The following EVI5 variants were observed in gnomAD, a reference collection of about 807,000 sequenced individuals.
The protein encoded by EVI5 is ecotropic viral integration site 5 protein homolog.
EVI5 carries 73 observed loss-of-function variants against 112.0 expected under a neutral mutation model. The observed-to-expected ratio is 0.65, with a 90% CI of 0.54 to 0.79. EVI5 has a LOEUF of 0.79. EVI5 is among the 30% of genes least tolerant of loss of function. The probability of loss-of-function intolerance (pLI) is 0.00; values close to 1 mark genes in which losing one functional copy is unlikely to be tolerated. For missense variants in EVI5, 900 were observed against 968.8 expected, an observed-to-expected ratio of 0.93 and a Z score of 0.94; for synonymous variants, 305 against 319.9, an observed-to-expected ratio of 0.95 and a Z score of 0.50.
chr1:92,677,442 T>C (rs542509667), intron 9 of EVI5, among the ~76,000 whole-genome samples: 2 of 152,152 alleles, frequency 1.3e-5, no homozygotes, highest in Admixed American at 6.5e-5. Flanking sequence ...AAAAAGAAAA[T>C]TTACAAACTG....
chr1:92,643,367 A>G (rs1660353643), intron 13 of EVI5, among the ~76,000 whole-genome samples: 1 of 147,412 alleles, frequency 6.8e-6, no homozygotes, highest in South Asian at 2.1e-4. Context: ...TGGCATCATC[A>G]ATGATCACTC....
In EVI5 at chr1:92,603,233, T is replaced by A. The variant is rs114672095; in HGVS notation, c.2070+2074A>T. Among the ~76,000 whole-genome samples the A allele has an allele frequency of 6.8e-3, 1,032 of 152,192 alleles. 8 individuals carry two copies. Among genetic ancestry groups the A allele is most frequent in the Non-Finnish European group, 0.011 (741 of 67,994 alleles). On this transcript the variant is annotated intron_variant, in intron 18 of 19. Coordinates refer to ENST00000684568, the MANE Select transcript of EVI5 (RefSeq NM_001350197.2). ...TGGTGCAAATGCGGAAAAAATGAAA[T>A]CCTCATGCATTGCTGGTAGAAATGT...
At chr1:92,778,741 G>T (rs1211477105) in intron 1 of EVI5, among the ~76,000 whole-genome samples, 1 of 152,200 alleles carries the variant, frequency 6.6e-6, no homozygotes, top group African/African-American at 2.4e-5. Flanking sequence ...TTCGGAGATA[G>T]AAATCAGAAT....
At position 92,736,738 on chromosome 1, in the gene EVI5, T is replaced by C. The variant is rs974000059; in HGVS notation, c.-81-111A>G. On this transcript the variant is annotated intron_variant, in intron 1 of 19. Coordinates refer to ENST00000684568, the MANE Select transcript of EVI5 (RefSeq NM_001350197.2). The stretch of plus-strand genomic sequence containing the variant: ...ATAACCATCATCAGAATATTCTCTT[T>C]GAGGAAGTAAAGGTAAAACCTGTTT... 4 of 783,344 alleles carry C rather than the reference T, an allele frequency of 5.1e-6. No homozygotes were observed. In the South Asian group the frequency reaches 6.5e-5, roughly 13 times the overall value. The allele number at this position is 783,344 out of a possible 1,614,324, so 48.5% of individuals were successfully genotyped here.
intron 2 of EVI5, 33 bp downstream of exon 2, chr1:92,736,365 T>A: frequency 1.5e-6 from 2 of 1,371,856 alleles, no homozygotes; most frequent in Non-Finnish European, 1.0e-6. Flanking sequence ...ATTTGTATAA[T>A]TGGAGAGAAA....
chr1:92,607,719 GA>G lies in EVI5; in HGVS notation c.1835del (p.Ile612ThrfsTer13). 6.3e-7 allele frequency: 1 copy of G among 1,592,130 alleles called. No homozygotes were observed. Among genetic ancestry groups the G allele is most frequent in the Non-Finnish European group, 8.5e-7 (1 of 1,171,654 alleles). ...CTGCTCTTCGAAGATGGTTACTATT[GA>G]TCTGGTTCTAATAATCAGAAATATA... The part of the protein sequence containing the change: ...RMMEMETQNQ[I>X]NSNHLRRAEQ... On this transcript the variant is annotated frameshift_variant, in exon 17 of 20. Transcript: ENST00000684568. LOFTEE classifies it high-confidence loss of function.
At chr1:92,546,750 G>A (rs1020271902) in intron 19 of EVI5, among the ~76,000 whole-genome samples, 1 of 152,032 alleles carries the variant, frequency 6.6e-6, no homozygotes, top group Non-Finnish European at 1.5e-5. Flanking sequence ...AAGAGACAAA[G>A]AAGGCCATTA....
At chr1:92,774,354 G>C (rs927129298) in intron 1 of EVI5, among the ~76,000 whole-genome samples, 3 of 152,006 alleles carry the variant, frequency 2.0e-5, no homozygotes. Flanking sequence ...CTTTTATACA[G>C]TATCTGCTAA....
upstream of EVI5, among the ~76,000 whole-genome samples, chr1:92,789,696 C>T (rs1014135640): frequency 6.6e-6 from 1 of 152,194 alleles, no homozygotes. Context: ...GGGTCACTGT[C>T]TGGGAGGGGA....
chr1:92,601,631 T>A (rs1649191481), intron 18 of EVI5, among the ~76,000 whole-genome samples: 1 of 152,044 alleles, frequency 6.6e-6, no homozygotes, highest in Admixed American at 6.6e-5. Context: ...CACTACATGA[T>A]CTCACATGTG....
chr1:92,636,159 C>T lies in EVI5; in HGVS notation c.1527+43G>A. The stretch of plus-strand genomic sequence containing the variant: ...TAAGTACTTAATAAATATCACATAT[C>T]CCCTCTAATTTGGGAATGACTGCAT... On this transcript the variant is annotated intron_variant, in intron 14 of 19. Coordinates refer to ENST00000684568, the MANE Select transcript of EVI5 (RefSeq NM_001350197.2). The T allele has an allele frequency of 2.0e-6, 3 of 1,529,396 alleles. No individual in the cohort carries two copies. The Middle Eastern group carries it at 5.1e-4, about 260-fold the overall frequency. 94.7% of individuals were successfully genotyped at this position (1,529,396 alleles called of 1,614,324 possible).
chr1:92,564,243 G>A (rs1342069702), intron 18 of EVI5, among the ~76,000 whole-genome samples: 1 of 152,088 alleles, frequency 6.6e-6, no homozygotes, highest in African/African-American at 2.4e-5. Flanking sequence ...AAGAGTCTCA[G>A]AAATCAGTAA....
chr1:92,701,799 T>TA (rs1671191853), intron 5 of EVI5, among the ~76,000 whole-genome samples: 1 of 150,686 alleles, frequency 6.6e-6, no homozygotes, highest in Non-Finnish European at 1.5e-5. Context: ...AAGATTTTCT[T>TA]ACCAACACTT....
At chr1:92,601,947 T>C (rs538516442) in intron 18 of EVI5, among the ~76,000 whole-genome samples, 1 of 152,332 alleles carries the variant, frequency 6.6e-6, no homozygotes, top group Non-Finnish European at 1.5e-5. Context: ...TACAGACTAA[T>C]GCTAAAATCA....
At chr1:92,534,685 T>C (rs1663525250) in intron 19 of EVI5, among the ~76,000 whole-genome samples, 1 of 152,138 alleles carries the variant, frequency 6.6e-6, no homozygotes, top group Non-Finnish European at 1.5e-5. Context: ...TGGGAAAAGA[T>C]TCCCTATTTA....
chr1:92,533,638 C>A (rs1362908465), intron 19 of EVI5, among the ~76,000 whole-genome samples: 2 of 152,162 alleles, frequency 1.3e-5, no homozygotes, highest in Admixed American at 1.3e-4. Flanking sequence ...ATATGCAAAT[C>A]AATAAACGTA....
At chr1:92,670,579 T>C (rs1665705490) in intron 10 of EVI5, among the ~76,000 whole-genome samples, 2 of 152,200 alleles carry the variant, frequency 1.3e-5, no homozygotes, top group African/African-American at 4.8e-5. Context: ...CCTATGCCAG[T>C]AAATATGACT....
intron 3 of EVI5, 90 bp from the exon 4 acceptor site, chr1:92,703,709 A>G (rs1361482798): frequency 2.7e-6 from 2 of 738,134 alleles, no homozygotes; most frequent in East Asian, 2.9e-5. Context: ...GGAATGAAGT[A>G]GAAGACATCA....
At chr1:92,558,926 C>A (rs1434956749) in intron 19 of EVI5, among the ~76,000 whole-genome samples, 1 of 151,934 alleles carries the variant, frequency 6.6e-6, no homozygotes, top group Non-Finnish European at 1.5e-5. Flanking sequence ...CAACAAACAT[C>A]CAAAGGCTTT....
Sources: allele counts gnomAD v4.1 joint callset (sites outside exome capture counted in the v4.1 genomes callset), GRCh38; gene constraint gnomAD v4.1.1; transcripts MANE v1.5; gene names NCBI Gene and HGNC (gene_info 2026-07-23, HGNC 2026-07-21).